The following RBFOX1 variants were observed in gnomAD, a reference collection of about 807,000 sequenced individuals.
The protein encoded by RBFOX1 is RNA binding fox-1 homolog 1, also known as RNA binding protein fox-1 homolog 1.
A neutral mutation model predicts 57.7 loss-of-function variants in RBFOX1; 8 were observed. That is an observed-to-expected ratio of 0.14 (90% CI 0.08 to 0.25). RBFOX1 has a LOEUF of 0.25. Among genes scored for constraint, RBFOX1 ranks in the 10% least tolerant of loss-of-function variants. RBFOX1 has a pLI of 1.00. For missense variants in RBFOX1, 611 were observed against 548.5 expected, an observed-to-expected ratio of 1.11 and a Z score of -1.14; for synonymous variants, 326 against 222.4, an observed-to-expected ratio of 1.47 and a Z score of -4.15.
chr16:5,851,205 T>C (rs2056889710), intron 3 of RBFOX1, among the ~76,000 whole-genome samples: 1 of 152,210 alleles, frequency 6.6e-6, no homozygotes, highest in South Asian at 2.1e-4. Context: ...ATCATGGTTG[T>C]ACCTTGTATT....
At chr16:5,344,096 G>T (rs2065090380) in intron 1 of RBFOX1, among the ~76,000 whole-genome samples, 1 of 152,198 alleles carries the variant, frequency 6.6e-6, no homozygotes, top group Admixed American at 6.5e-5. Flanking sequence ...AGAAATAAAG[G>T]TATCTACATC....
intron 3 of RBFOX1, among the ~76,000 whole-genome samples, chr16:6,706,704 C>A (rs1381103014): frequency 2.6e-5 from 3 of 115,120 alleles, no homozygotes; most frequent in South Asian, 3.3e-4. Flanking sequence ...ATGGCTACAG[C>A]TGCAGTCTTT....
chr16:6,690,748 T>A (rs1223231247), intron 3 of RBFOX1, among the ~76,000 whole-genome samples: 2 of 70,898 alleles, frequency 2.8e-5, no homozygotes, highest in Non-Finnish European at 5.2e-5. Context: ...TTGGTTTCTT[T>A]TCTTTCTTTC....
rs73516603 is a variant in RBFOX1 at position 5,347,110 on chromosome 16, T to G, written c.219+107005T>G. Reference sequence around the variant, plus strand: ...CTGGCTGCTCTATTGACAATCCCAATGTTGCTCATCCTCCTCCTGGCACCT... The same window carrying G: ...CTGGCTGCTCTATTGACAATCCCAAGGTTGCTCATCCTCCTCCTGGCACCT... On this transcript the variant is annotated intron_variant, in intron 1 of 2. Coordinates refer to the RBFOX1 transcript ENST00000585867. 2.1e-3 allele frequency among the ~76,000 whole-genome samples: 324 copies of G among 152,276 alleles called. 1 individual carries two copies. Among genetic ancestry groups the G allele is most frequent in the African/African-American group, 7.5e-3 (311 of 41,552 alleles).
intron 2 of RBFOX1, among the ~76,000 whole-genome samples, chr16:6,595,004 G>C (rs1172994916): frequency 6.6e-6 from 1 of 152,070 alleles, no homozygotes; most frequent in Non-Finnish European, 1.5e-5. Flanking sequence ...GGCCAGGCTG[G>C]TCTTGGTCTT....
chr16:7,491,754 C>A (rs1011904173), intron 4 of RBFOX1, among the ~76,000 whole-genome samples: 3 of 152,124 alleles, frequency 2.0e-5, no homozygotes, highest in African/African-American at 7.2e-5. Flanking sequence ...CTTCAGCCCC[C>A]TGAGTAGCTA....
intron 2 of RBFOX1, chr16:6,577,375 T>C (rs560315146): frequency 6.6e-6 from 1 of 152,366 alleles, no homozygotes; most frequent in Non-Finnish European, 1.5e-5. Flanking sequence ...TATTTGTCAG[T>C]AGGAGCTTAT....
At chr16:5,253,317 T>A (rs1387597724) in intron 1 of RBFOX1, among the ~76,000 whole-genome samples, 1 of 151,160 alleles carries the variant, frequency 6.6e-6, no homozygotes, top group Admixed American at 6.6e-5. Flanking sequence ...ACCCAGCTAA[T>A]TTTTTTGTAT....
At chr16:7,589,250 T>G (rs557300743) in intron 7 of RBFOX1, among the ~76,000 whole-genome samples, 11 of 152,226 alleles carry the variant, frequency 7.2e-5, no homozygotes, top group East Asian at 1.9e-4. Context: ...TGTTGTTGTT[T>G]TTTAATATGT....
chr16:5,607,136 A>G (rs1017275371), intron 3 of RBFOX1, among the ~76,000 whole-genome samples: 8 of 152,166 alleles, frequency 5.3e-5, no homozygotes, highest in African/African-American at 9.7e-5. Context: ...CACCAGCTCT[A>G]CGCCCAGACT....
chr16:7,170,691 G>T (rs2080514838), intron 4 of RBFOX1, among the ~76,000 whole-genome samples: 1 of 152,130 alleles, frequency 6.6e-6, no homozygotes, highest in African/African-American at 2.4e-5. Context: ...TTTTCTTTGG[G>T]TTTGGTTTCT....
At position 7,196,686 on chromosome 16, in the gene RBFOX1, C is replaced by T. The variant is rs543061473; in HGVS notation, c.27+144588C>T. Among the ~76,000 whole-genome samples, 3 of 152,080 alleles carry T rather than the reference C, an allele frequency of 2.0e-5. No homozygotes were observed. The East Asian group carries it at 5.8e-4, about 29-fold the overall frequency. Reference sequence around the variant, plus strand: ...TGTGTGTATAACTATAAGTAAAATGCAAAGGCATCTGTGTACAGAGGGTCA... The same window carrying T: ...TGTGTGTATAACTATAAGTAAAATGTAAAGGCATCTGTGTACAGAGGGTCA... On this transcript the variant is annotated intron_variant, in intron 4 of 15. Transcript: ENST00000550418.
intron 2 of RBFOX1, among the ~76,000 whole-genome samples, chr16:5,543,808 C>T (rs1160718355): frequency 6.6e-6 from 1 of 152,084 alleles, no homozygotes; most frequent in Non-Finnish European, 1.5e-5. Flanking sequence ...AGATTACTTA[C>T]AGAGCCACAA....
intron 4 of RBFOX1, among the ~76,000 whole-genome samples, chr16:5,924,383 C>T (rs1231886787): frequency 7.2e-5 from 11 of 152,194 alleles, no homozygotes; most frequent in Admixed American, 3.9e-4. Context: ...GAGAGGTGTT[C>T]GGGTCATGAG....
chr16:7,600,201 C>G (rs1260377086), intron 9 of RBFOX1, among the ~76,000 whole-genome samples: 4 of 152,172 alleles, frequency 2.6e-5, no homozygotes, highest in African/African-American at 9.7e-5. Context: ...CAAAAGGGAA[C>G]TCAGAGAATT....
intron 2 of RBFOX1, among the ~76,000 whole-genome samples, chr16:5,523,913 C>T (rs970524913): frequency 2.0e-5 from 3 of 152,142 alleles, no homozygotes; most frequent in East Asian, 1.9e-4. Flanking sequence ...TGCACAGGGA[C>T]GGACCAGAAG....
chr16:6,099,499 G>A (rs2096280338), intron 1 of RBFOX1, among the ~76,000 whole-genome samples: 1 of 152,184 alleles, frequency 6.6e-6, no homozygotes, highest in African/African-American at 2.4e-5. Flanking sequence ...GAGGCAGAAT[G>A]CTGATTGCTG....
chr16:6,812,124 C>A (rs967832040), intron 3 of RBFOX1, among the ~76,000 whole-genome samples: 1 of 152,068 alleles, frequency 6.6e-6, no homozygotes, highest in African/African-American at 2.4e-5. Flanking sequence ...AACTCACTAC[C>A]AAAGCAAAAT....
chr16:6,836,045 C>G (rs1486911620), intron 3 of RBFOX1, among the ~76,000 whole-genome samples: 1 of 152,156 alleles, frequency 6.6e-6, no homozygotes, highest in Non-Finnish European at 1.5e-5. Flanking sequence ...AGAAAAGAAA[C>G]CTACTGTTCA....
Sources: gnomAD v4.1 joint callset for allele counts (sites outside exome capture counted in the v4.1 genomes callset) on GRCh38, gnomAD v4.1.1 for gene constraint, MANE v1.5 for transcripts, NCBI Gene and HGNC (gene_info 2026-07-23, HGNC 2026-07-21) for gene names.